PTPRE: variants seen among roughly 807,000 people sequenced by gnomAD.
PTPRE encodes receptor-type tyrosine-protein phosphatase epsilon.
Under a neutral mutation model 102.0 loss-of-function variants are expected in PTPRE, and 51 were observed. The ratio of observed to expected loss-of-function variants is 0.50; its 90% CI spans 0.40 to 0.63. The LOEUF is 0.63. PTPRE is among the 30% of genes least tolerant of loss of function. The pLI, the probability that PTPRE is intolerant of heterozygous loss-of-function variation, is 0.00. For synonymous variants in PTPRE, 345 were observed against 348.2 expected, an observed-to-expected ratio of 0.99 and a Z score of 0.10; for missense variants, 752 against 915.1, an observed-to-expected ratio of 0.82 and a Z score of 2.30.
At chr10:128,078,116 G>A (rs1446019167) in intron 19 of PTPRE, among the ~76,000 whole-genome samples, 1 of 152,196 alleles carries the variant, frequency 6.6e-6, no homozygotes, top group Non-Finnish European at 1.5e-5. Flanking sequence ...ACACACTCCT[G>A]GACTTCAAGT....
At chr10:127,934,112 G>C (rs1162624366) in intron 1 of PTPRE, 1 of 145,724 alleles carries the variant, frequency 6.9e-6, no homozygotes, top group Non-Finnish European at 1.5e-5. Flanking sequence ...GAAAACTTCT[G>C]GGTTTCTGAA....
intron 2 of PTPRE, chr10:127,999,117 C>A (rs1473699703): frequency 6.6e-6 from 1 of 152,156 alleles, no homozygotes; most frequent in East Asian, 1.9e-4. Flanking sequence ...GTTTCAGTTA[C>A]AAGAAATGGA....
intron 19 of PTPRE, among the ~76,000 whole-genome samples, chr10:128,078,452 G>A (rs1341703439): frequency 1.3e-5 from 2 of 152,228 alleles, no homozygotes; most frequent in Non-Finnish European, 2.9e-5. Flanking sequence ...TCTGCTGGCA[G>A]GGACCTCGAC....
chr10:128,045,673 C>A (rs1183733311), intron 3 of PTPRE, among the ~76,000 whole-genome samples: 1 of 152,146 alleles, frequency 6.6e-6, no homozygotes, highest in African/African-American at 2.4e-5. Flanking sequence ...AGGGCCCTGG[C>A]AGAGTGGAGA....
At chr10:127,920,567 C>G (rs1434395861) in intron 1 of PTPRE, among the ~76,000 whole-genome samples, 1 of 152,214 alleles carries the variant, frequency 6.6e-6, no homozygotes, top group South Asian at 2.1e-4. Context: ...ACTAGAGGCA[C>G]TGTACCCGAG....
At chr10:128,063,027 C>T (rs957371297) in intron 9 of PTPRE, 56 bp from the exon 10 acceptor site, 1 of 1,606,616 alleles carries the variant, frequency 6.2e-7, no homozygotes, top group Admixed American at 1.7e-5. Context: ...GGGGCTGGGA[C>T]CCCAAAGGGA....
At chr10:127,978,777 T>C (rs1851387079) in intron 1 of PTPRE, among the ~76,000 whole-genome samples, 1 of 152,092 alleles carries the variant, frequency 6.6e-6, no homozygotes, top group Non-Finnish European at 1.5e-5. Flanking sequence ...TCCCAGCTCT[T>C]TGGGAGGCCG....
intron 1 of PTPRE, among the ~76,000 whole-genome samples, chr10:127,964,492 A>G (rs1008423601): frequency 6.6e-6 from 1 of 152,146 alleles, no homozygotes; most frequent in Non-Finnish European, 1.5e-5. Flanking sequence ...TATCAAATGT[A>G]AACTTCTAGG....
chr10:128,061,755 G>A (rs543896862), intron 9 of PTPRE, 40 bp downstream of exon 9: 12 of 1,564,262 alleles, frequency 7.7e-6, no homozygotes, highest in African/African-American at 2.8e-5. Context: ...TTTTGGTAAC[G>A]TGAATAGCTC....
In PTPRE at chr10:127,989,068, G is replaced by C. The variant is rs1316514896; in HGVS notation, c.-8+6772G>C. ...TCTAACAACTTTTAAAAAATATGTT[G>C]ATAGTATTTAACTGATTTCAAACAA... On this transcript the variant is annotated intron_variant, in intron 2 of 20. Coordinates refer to ENST00000254667, the MANE Select transcript of PTPRE (RefSeq NM_006504.6). 2.0e-5 allele frequency among the ~76,000 whole-genome samples: 3 copies of C among 152,048 alleles called. No individual in the cohort carries two copies. In the East Asian group the frequency reaches 5.8e-4, roughly 29 times the overall value.
intron 8 of PTPRE, among the ~76,000 whole-genome samples, chr10:128,061,404 C>T (rs1374464853): frequency 2.0e-5 from 3 of 152,098 alleles, no homozygotes; most frequent in Non-Finnish European, 2.9e-5. Flanking sequence ...ATAAATTGTA[C>T]ATGTTCACCC....
At chr10:127,987,965 G>A (rs1169984489) in intron 2 of PTPRE, among the ~76,000 whole-genome samples, 2 of 152,228 alleles carry the variant, frequency 1.3e-5, no homozygotes, top group African/African-American at 2.4e-5. Context: ...GTGTGTAAGG[G>A]TTTCCTGCCT....
intron 11 of PTPRE, among the ~76,000 whole-genome samples, chr10:128,067,366 A>G (rs1373111286): frequency 1.4e-5 from 2 of 146,918 alleles, no homozygotes; most frequent in Non-Finnish European, 3.0e-5. Context: ...GCACACGTGC[A>G]CACATGCACA....
chr10:127,983,832 A>G (rs1036783241), intron 2 of PTPRE, among the ~76,000 whole-genome samples: 1 of 152,164 alleles, frequency 6.6e-6, no homozygotes, highest in Non-Finnish European at 1.5e-5. Context: ...TCAGTGAGTC[A>G]GCAGCTCCCG....
intron 2 of PTPRE, among the ~76,000 whole-genome samples, chr10:128,030,227 G>A (rs547923123): frequency 1.3e-5 from 2 of 152,344 alleles, no homozygotes; most frequent in East Asian, 1.9e-4. Context: ...CTGCCCTGGC[G>A]AACAACGGGG....
chr10:128,064,098 C>G (rs1005529866), intron 10 of PTPRE, among the ~76,000 whole-genome samples: 2 of 152,108 alleles, frequency 1.3e-5, no homozygotes, highest in South Asian at 2.1e-4. Context: ...GGCATTGTAG[C>G]GAGGACTGTG....
chr10:128,035,838 G>T (rs938584808), intron 2 of PTPRE, among the ~76,000 whole-genome samples: 1 of 152,216 alleles, frequency 6.6e-6, no homozygotes, highest in Non-Finnish European at 1.5e-5. Flanking sequence ...TGCCCTGAAA[G>T]CTCCAATTAT....
intron 10 of PTPRE, 117 bp downstream of exon 10, chr10:128,063,297 G>A (rs1194111969): frequency 2.7e-6 from 4 of 1,485,912 alleles, no homozygotes; most frequent in Middle Eastern, 2.3e-4. Flanking sequence ...TATCACTGCA[G>A]AAAAAAACCC....
chr10:127,971,549 G>A (rs143817133), intron 1 of PTPRE, among the ~76,000 whole-genome samples: 2 of 152,324 alleles, frequency 1.3e-5, no homozygotes, highest in South Asian at 2.1e-4. Context: ...TGCTGTCCTC[G>A]CAGGTACTAG....
Sources: gnomAD v4.1 joint callset for allele counts (sites outside exome capture counted in the v4.1 genomes callset) on GRCh38, gnomAD v4.1.1 for gene constraint, MANE v1.5 for transcripts, NCBI Gene and HGNC (gene_info 2026-07-23, HGNC 2026-07-21) for gene names.